Variants in KBTBD3 observed in about 807,000 individuals in gnomAD.
KBTBD3 encodes the protein kelch repeat and BTB domain-containing protein 3.
KBTBD3 carries 38 observed loss-of-function variants against 49.6 expected under a neutral mutation model. The observed-to-expected ratio is 0.77, with a 90% CI of 0.59 to 1.00. The LOEUF is 1.00. Among genes scored for constraint, KBTBD3 ranks in the 50% least tolerant of loss-of-function variants. The pLI, the probability that KBTBD3 is intolerant of heterozygous loss-of-function variation, is 0.00. For synonymous variants in KBTBD3, 214 were observed against 250.4 expected (o/e 0.85, Z 1.37); for missense variants, 661 against 712.0 (o/e 0.93, Z 0.81).
At chr11:106,060,892 A>G (rs376713767) in intron 2 of KBTBD3, among the ~76,000 whole-genome samples, 2 of 152,216 alleles carry the variant, frequency 1.3e-5, no homozygotes, top group Admixed American at 1.3e-4. Context: ...CAATCTACCC[A>G]TCTGAAAAAG....
In KBTBD3 at chr11:106,053,612, T is replaced by A; in HGVS notation, c.1077A>T (p.Arg359=). 1 of 1,613,904 alleles carries A rather than the reference T, an allele frequency of 6.2e-7. No homozygotes were observed. Among genetic ancestry groups the A allele is most frequent in the Non-Finnish European group, 8.5e-7 (1 of 1,179,912 alleles). Residue 359 remains arginine (R), a synonymous_variant, in exon 4 of 4, where the codon CGA becomes CGT. Coordinates refer to ENST00000531837, the MANE Select transcript of KBTBD3 (RefSeq NM_198439.3). ...CATGATATGACTCGGCAATATGCAG[T>A]CGAACCGTTCGACAACATTTCCCTT... is the stretch of plus-strand genomic sequence containing the variant. ...GCKGKCCRTV[R]LHIAESYHDA...
chr11:106,077,098 G>A (rs1040696527), intron 1 of KBTBD3, among the ~76,000 whole-genome samples: 7 of 152,110 alleles, frequency 4.6e-5, no homozygotes, highest in Non-Finnish European at 8.8e-5. Flanking sequence ...TGCGGATGGG[G>A]GCAGGGAAAG....
At position 106,052,871 on chromosome 11, in the gene KBTBD3, C is replaced by T; in HGVS notation, c.1818G>A (p.Trp606Ter). ...ATGTTCAAGCACATAGATTAGAAAA[C>T]CATGGGTCTCTGTATTTATTAAACT... is the stretch of plus-strand genomic sequence containing the variant. Reference protein sequence around the residue: ...VIQFNKYRDPWFSNLCA With the variant: ...VIQFNKYRDP The change falls in exon 4 of 4, where the codon TGG (tryptophan) becomes TGA (stop). Residue 606 changes from tryptophan to a stop codon, truncating the protein, a stop_gained. Transcript: ENST00000531837. LOFTEE classifies it high-confidence loss of function. 1 of 1,612,240 alleles carries T rather than the reference C, an allele frequency of 6.2e-7. No homozygotes were observed. Among genetic ancestry groups the T allele is most frequent in the Non-Finnish European group, 8.5e-7 (1 of 1,179,042 alleles).
intron 2 of KBTBD3, chr11:106,075,422 A>G (rs1426897242): frequency 6.6e-6 from 1 of 152,218 alleles, no homozygotes; most frequent in Non-Finnish European, 1.5e-5. Context: ...TACTATTTGT[A>G]AAAGGTATAC....
At chr11:106,061,791 T>C (rs1860700468) in intron 2 of KBTBD3, among the ~76,000 whole-genome samples, 1 of 151,950 alleles carries the variant, frequency 6.6e-6, no homozygotes, top group African/African-American at 2.4e-5. Context: ...TCCATATATA[T>C]ATATTACAAA....
At chr11:106,064,249 A>C (rs1425892062) in intron 2 of KBTBD3, among the ~76,000 whole-genome samples, 1 of 152,184 alleles carries the variant, frequency 6.6e-6, no homozygotes, top group Non-Finnish European at 1.5e-5. Flanking sequence ...CAAATGTTTA[A>C]AAGAAATAGC....
Position 106,053,152 on chromosome 11 carries a change from T to C in KBTBD3, c.1537A>G (p.Ile513Val). 1 of 1,613,616 alleles carries C rather than the reference T, an allele frequency of 6.2e-7. No individual in the cohort carries two copies. The highest frequency in any genetic ancestry group is 8.5e-7 in the Non-Finnish European group (1 of 1,179,770). Residue 513 changes from isoleucine to valine, a missense_variant, in exon 4 of 4, where the codon ATA (isoleucine) becomes GTA (valine). Coordinates refer to ENST00000531837, the MANE Select transcript of KBTBD3 (RefSeq NM_198439.3). ...KAVPVNCTLY[I>V]CDLSTYKVYS... Reference sequence around the variant, plus strand: ...ACCTTATAGGTGGAAAGGTCACATATATACAGTGTACAGTTTACTGGTACA... The same window carrying C: ...ACCTTATAGGTGGAAAGGTCACATACATACAGTGTACAGTTTACTGGTACA...
At chr11:106,075,543 A>G (rs1276482610) in intron 2 of KBTBD3, 7 of 152,266 alleles carry the variant, frequency 4.6e-5, no homozygotes, top group Non-Finnish European at 1.0e-4. Context: ...TAACTGCCAA[A>G]TGAATTACAT....
At chr11:106,060,592 C>A (rs1251738152) in intron 2 of KBTBD3, among the ~76,000 whole-genome samples, 1 of 152,072 alleles carries the variant, frequency 6.6e-6, no homozygotes, top group Non-Finnish European at 1.5e-5. Context: ...TAGCTGTATG[C>A]AGAAAACTGA....
chr11:106,063,072 TTAAATAAGA>T (rs1860736301), intron 2 of KBTBD3, among the ~76,000 whole-genome samples: 1 of 152,254 alleles, frequency 6.6e-6, no homozygotes, highest in Non-Finnish European at 1.5e-5. Context: ...TATAATGTTG[TTAAATAAGA>T]TGGCTATTAG....
At position 106,053,546 on chromosome 11, in the gene KBTBD3, A is replaced by AT. The variant is rs1383038508; in HGVS notation, c.1142dup (p.Asn381LysfsTer2). On this transcript the variant is annotated frameshift_variant, in exon 4 of 4. Transcript: ENST00000531837. LOFTEE classifies it high-confidence loss of function. ...TCATAGTTGATACCAAGAAGAAATC[A>AT]TTTTTCACTGGACAGTAGCACCAGG... is the stretch of plus-strand genomic sequence containing the variant. The AT allele has an allele frequency of 5.6e-6, 9 of 1,613,760 alleles. No homozygotes were observed. Among genetic ancestry groups the AT allele is most frequent in the Non-Finnish European group, 7.6e-6 (9 of 1,179,876 alleles).
In KBTBD3 at chr11:106,055,591, A is replaced by G. The variant is rs542904147; in HGVS notation, c.234-1136T>C. 2.4e-4 allele frequency among the ~76,000 whole-genome samples: 36 copies of G among 152,304 alleles called. No homozygotes were observed. In the South Asian group the frequency reaches 7.0e-3, roughly 30 times the overall value. On this transcript the variant is annotated intron_variant, in intron 3 of 3. Transcript: ENST00000531837. The stretch of plus-strand genomic sequence containing the variant: ...TAAGACACCTACAGCAGTTTAGGAT[A>G]ATATTAAGAGTCCATGTAGCCCAGC...
intron 2 of KBTBD3, among the ~76,000 whole-genome samples, chr11:106,073,879 G>A (rs1293766547): frequency 1.3e-5 from 2 of 152,096 alleles, no homozygotes; most frequent in Non-Finnish European, 2.9e-5. Context: ...ACTTTAAATT[G>A]GACAGTGACA....
At chr11:106,055,400 T>C (rs10895898) in intron 3 of KBTBD3, among the ~76,000 whole-genome samples, 24,514 of 152,176 alleles carry the variant, frequency 0.16, 2,341 homozygotes, top group East Asian at 0.37. Flanking sequence ...GGAAAACCAA[T>C]TTACTTATCA....
At chr11:106,076,864 G>T (rs975328242) in intron 1 of KBTBD3, among the ~76,000 whole-genome samples, 157 bp from the exon 2 acceptor site, 1 of 152,342 alleles carries the variant, frequency 6.6e-6, no homozygotes, top group Middle Eastern at 3.4e-3. Flanking sequence ...TCTCGCTAGT[G>T]CTCTAGCCCA....
chr11:106,068,366 G>T (rs536017163), intron 2 of KBTBD3, among the ~76,000 whole-genome samples: 1 of 152,160 alleles, frequency 6.6e-6, no homozygotes, highest in South Asian at 2.1e-4. Flanking sequence ...CACACACTTG[G>T]AAACATAATA....
rs1860503347 is a variant in KBTBD3, at chr11:106,054,206, T to A, written c.483A>T (p.Ser161=). 6.2e-7 allele frequency: 1 copy of A among 1,612,720 alleles called. No individual in the cohort carries two copies. The highest frequency in any genetic ancestry group is 2.2e-5 in the East Asian group (1 of 44,834). The change falls in exon 4 of 4, where the codon TCA becomes TCT. Residue 161 remains serine, a synonymous_variant. Transcript: ENST00000531837. ...LVNCLQLLSI[S]DSYGSTSLFD... Reference sequence around the variant, plus strand: ...ACAAACTGGTGGAGCCATAGCTATCTGATATAGATAATAACTGTAAACAAT... The same window carrying A: ...ACAAACTGGTGGAGCCATAGCTATCAGATATAGATAATAACTGTAAACAAT...
intron 3 of KBTBD3, among the ~76,000 whole-genome samples, chr11:106,057,236 A>G (rs1194859851): frequency 6.6e-6 from 1 of 152,216 alleles, no homozygotes; most frequent in East Asian, 1.9e-4. Context: ...AGATCTAATT[A>G]GATGGTGGTA....
intron 2 of KBTBD3, among the ~76,000 whole-genome samples, chr11:106,073,696 G>A (rs1210462188): frequency 6.6e-6 from 1 of 152,144 alleles, no homozygotes; most frequent in Non-Finnish European, 1.5e-5. Flanking sequence ...CCCTACAGGG[G>A]TAAAGGAGTC....
Sources: gnomAD v4.1 joint callset for allele counts (sites outside exome capture counted in the v4.1 genomes callset) on GRCh38, gnomAD v4.1.1 for gene constraint, MANE v1.5 for transcripts, NCBI Gene and HGNC (gene_info 2026-07-23, HGNC 2026-07-21) for gene names.